The following LINGO2 variants were observed in gnomAD, a reference collection of about 807,000 sequenced individuals.
LINGO2 encodes the protein leucine rich repeat and Ig domain containing 2.
Under a neutral mutation model 30.6 loss-of-function variants are expected in LINGO2, and 14 were observed. The observed-to-expected ratio is 0.46, with a 90% CI of 0.30 to 0.72. The LOEUF is 0.72. LINGO2 is among the 30% of genes least tolerant of loss of function. The pLI, the probability that LINGO2 is intolerant of heterozygous loss-of-function variation, is 0.07. For missense variants in LINGO2, 729 were observed against 751.7 expected, an observed-to-expected ratio of 0.97 and a Z score of 0.35; for synonymous variants, 317 against 288.5, an observed-to-expected ratio of 1.10 and a Z score of -1.00.
At chr9:27,954,502 C>A (rs1012900322) in intron 5 of LINGO2, among the ~76,000 whole-genome samples, 1 of 152,128 alleles carries the variant, frequency 6.6e-6, no homozygotes, top group Non-Finnish European at 1.5e-5. Context: ...CAGTTCTATC[C>A]ATGTTGCTGC....
the LINGO2 span, among the ~76,000 whole-genome samples, chr9:28,998,885 T>C: frequency 7.6e-6 from 1 of 132,104 alleles, no homozygotes; most frequent in Non-Finnish European, 1.7e-5. Flanking sequence ...TGAGAAGCTC[T>C]AAGTTCAATG....
intron 3 of LINGO2, among the ~76,000 whole-genome samples, chr9:28,331,771 TGATA>T (rs1475552476): frequency 5.3e-5 from 8 of 152,110 alleles, no homozygotes; most frequent in Admixed American, 2.0e-4. Flanking sequence ...CTCCCCAAAA[TGATA>T]GGATTACAGG....
At chr9:28,284,918 C>T (rs1292800033) in intron 4 of LINGO2, among the ~76,000 whole-genome samples, 1 of 152,084 alleles carries the variant, frequency 6.6e-6, no homozygotes, top group Non-Finnish European at 1.5e-5. Context: ...AAAGTCAAAA[C>T]CTGACCATAA....
At chr9:28,290,489 C>A (rs1242006922) in intron 4 of LINGO2, among the ~76,000 whole-genome samples, 1 of 152,172 alleles carries the variant, frequency 6.6e-6, no homozygotes, top group Non-Finnish European at 1.5e-5. Flanking sequence ...CTTCTGCTCG[C>A]TGCACAGAAA....
the LINGO2 span, among the ~76,000 whole-genome samples, chr9:29,134,450 G>A: frequency 6.6e-6 from 1 of 151,250 alleles, no homozygotes; most frequent in Non-Finnish European, 1.5e-5. Flanking sequence ...AAATAACCAT[G>A]TGATTTTTTT....
At chr9:28,746,624 T>C in the LINGO2 span, among the ~76,000 whole-genome samples, 2 of 152,040 alleles carry the variant, frequency 1.3e-5, no homozygotes, top group Admixed American at 6.6e-5. Context: ...CCTCTATGCG[T>C]TTCAGCTTTT....
intron 4 of LINGO2, among the ~76,000 whole-genome samples, chr9:28,155,467 G>A (rs1828107397): frequency 6.6e-6 from 1 of 152,160 alleles, no homozygotes; most frequent in Non-Finnish European, 1.5e-5. Flanking sequence ...TAGTCAAAAT[G>A]ATCTTTTTAA....
At position 28,641,331 on chromosome 9, in the gene LINGO2, C is replaced by T. The variant is rs567517110; in HGVS notation, c.-365+28869G>A. Among the ~76,000 whole-genome samples the T allele has an allele frequency of 7.2e-5, 11 of 152,160 alleles. 1 individual carries two copies. In the East Asian group the frequency reaches 1.4e-3, roughly 19 times the overall value. Reference sequence around the variant, plus strand: ...GATTACAGGCGTGAGCCACCGCGCCCGGCCTCAGAGGTTTTAAAGAAGTAT... The same window carrying T: ...GATTACAGGCGTGAGCCACCGCGCCTGGCCTCAGAGGTTTTAAAGAAGTAT... On this transcript the variant is annotated intron_variant, in intron 1 of 5. Transcript: ENST00000379992.
chr9:28,876,782 G>A, the LINGO2 span, among the ~76,000 whole-genome samples: 1 of 152,012 alleles, frequency 6.6e-6, no homozygotes, highest in African/African-American at 2.4e-5. Flanking sequence ...AGGATGGCTG[G>A]GTCAAATGGT....
intron 4 of LINGO2, among the ~76,000 whole-genome samples, chr9:28,288,758 T>G (rs1823611426): frequency 6.6e-6 from 1 of 152,198 alleles, no homozygotes; most frequent in Admixed American, 6.5e-5. Context: ...TTCTCAAGAT[T>G]TTATTTCAGA....
At chr9:28,385,546 T>A (rs1164492318) in intron 2 of LINGO2, among the ~76,000 whole-genome samples, 1 of 152,088 alleles carries the variant, frequency 6.6e-6, no homozygotes, top group Non-Finnish European at 1.5e-5. Flanking sequence ...GCAAATAAAA[T>A]TAGGCTTTGT....
intron 2 of LINGO2, among the ~76,000 whole-genome samples, chr9:28,473,127 A>T (rs2135179122): frequency 6.6e-6 from 1 of 152,234 alleles, no homozygotes; most frequent in South Asian, 2.1e-4. Flanking sequence ...GATTGTGATA[A>T]AAATCTATTG....
chr9:28,228,082 T>C (rs1394745978), intron 4 of LINGO2, among the ~76,000 whole-genome samples: 2 of 152,052 alleles, frequency 1.3e-5, no homozygotes, highest in East Asian at 1.9e-4. Flanking sequence ...TCCATCTAAT[T>C]ACAAATTACA....
At chr9:27,995,090 A>G (rs939284812) in intron 5 of LINGO2, among the ~76,000 whole-genome samples, 2 of 152,202 alleles carry the variant, frequency 1.3e-5, no homozygotes, top group African/African-American at 4.8e-5. Flanking sequence ...AATACAAAGA[A>G]TCATTAGAGA....
chr9:27,948,629 G>T, exon 6 of LINGO2: 1 of 487,380 alleles, frequency 2.1e-6, no homozygotes. Context: ...TATTTGCAAC[G>T]CAAACACTTA....
At chr9:28,605,598 G>T (rs1428254014) in intron 1 of LINGO2, among the ~76,000 whole-genome samples, 1 of 151,998 alleles carries the variant, frequency 6.6e-6, no homozygotes, top group African/African-American at 2.4e-5. Flanking sequence ...AGTAACAAGG[G>T]AAGGCTTTTA....
the LINGO2 span, among the ~76,000 whole-genome samples, chr9:28,951,582 A>T: frequency 1.3e-5 from 2 of 152,178 alleles, no homozygotes; most frequent in African/African-American, 2.4e-5. Context: ...CTCGTATCCC[A>T]TCCTGAGAGC....
At chr9:28,053,990 T>C (rs565022929) in intron 4 of LINGO2, among the ~76,000 whole-genome samples, 72 of 152,034 alleles carry the variant, frequency 4.7e-4, no homozygotes, top group African/African-American at 1.7e-3. Context: ...TAGTATCAGT[T>C]ACCAGTTGTC....
chr9:29,070,121 C>T, the LINGO2 span, among the ~76,000 whole-genome samples: 2 of 151,670 alleles, frequency 1.3e-5, no homozygotes, highest in African/African-American at 4.8e-5. Flanking sequence ...ATATATAAAT[C>T]TCATGTAATA....
Sources: allele counts gnomAD v4.1 joint callset (sites outside exome capture counted in the v4.1 genomes callset), GRCh38; gene constraint gnomAD v4.1.1; transcripts MANE v1.5; gene names NCBI Gene and HGNC (gene_info 2026-07-23, HGNC 2026-07-21).